The following BCAS3 variants were observed in gnomAD, a reference collection of about 807,000 sequenced individuals.
The protein encoded by BCAS3 is BCAS3 microtubule associated cell migration factor, also known as BCAS4/BCAS3 fusion.
In BCAS3, 53 loss-of-function variants were observed where a neutral mutation model predicts 116.1. That is an observed-to-expected ratio of 0.46 (90% CI 0.37 to 0.57). The LOEUF (loss-of-function observed/expected upper bound fraction) is 0.57. Among genes scored for constraint, BCAS3 ranks in the 20% least tolerant of loss-of-function variants. The pLI is 0.00. For synonymous variants in BCAS3, 391 were observed against 408.2 expected, an observed-to-expected ratio of 0.96 and a Z score of 0.51; for missense variants, 917 against 1,165.4, an observed-to-expected ratio of 0.79 and a Z score of 3.10.
intron 6 of BCAS3, among the ~76,000 whole-genome samples, chr17:60,805,545 C>T (rs963793425): frequency 6.6e-6 from 1 of 152,016 alleles, no homozygotes; most frequent in Non-Finnish European, 1.5e-5. Flanking sequence ...AAGGAAGTGG[C>T]GGCTGGGCGC....
At chr17:61,283,257 T>C (rs948526293) in intron 22 of BCAS3, among the ~76,000 whole-genome samples, 6 of 152,194 alleles carry the variant, frequency 3.9e-5, no homozygotes, top group African/African-American at 1.2e-4. Flanking sequence ...TTTGGAGGAC[T>C]ATAACACATT....
At chr17:61,318,237 GT>G (rs1164376178) in intron 22 of BCAS3, among the ~76,000 whole-genome samples, 1 of 152,192 alleles carries the variant, frequency 6.6e-6, no homozygotes, top group African/African-American at 2.4e-5. Flanking sequence ...GATATAAGCT[GT>G]GGCCCAAAGT....
chr17:61,203,303 G>T lies in BCAS3; in HGVS notation c.2425+118739G>T, dbSNP rs971070608. On this transcript the variant is annotated intron_variant, in intron 22 of 23. Coordinates refer to ENST00000407086, the MANE Select transcript of BCAS3 (RefSeq NM_017679.5). The surrounding 1 kb of genome is among the most constrained non-coding windows in gnomAD (Gnocchi z 5.7). ...CTCCCGAGTTGCTGGGATTACAGGT[G>T]CCCGACACCACACCTGGCTAATTTT... is the stretch of plus-strand genomic sequence containing the variant. 6.6e-6 allele frequency among the ~76,000 whole-genome samples: 1 copy of T among 152,016 alleles called. No homozygotes were observed. Among genetic ancestry groups the T allele is most frequent in the African/African-American group, 2.4e-5 (1 of 41,382 alleles).
chr17:61,156,119 T>G lies in BCAS3; in HGVS notation c.2425+71555T>G, dbSNP rs920990079. Among the ~76,000 whole-genome samples the G allele has an allele frequency of 1.3e-5, 2 of 150,726 alleles. No individual in the cohort carries two copies. Among genetic ancestry groups the G allele is most frequent in the African/African-American group, 2.4e-5 (1 of 40,882 alleles). On this transcript the variant is annotated intron_variant, in intron 22 of 23. Transcript: ENST00000407086. This position sits in a 1 kb window ranked among gnomAD's most constrained non-coding sequence, Gnocchi z 4.7. ...CTATCAGCAAATAATTTACTCGGTA[T>G]GCACCACAAACAAACGCAGAGAGAC...
intron 7 of BCAS3, among the ~76,000 whole-genome samples, chr17:60,823,608 T>G (rs1361393406): frequency 6.6e-6 from 1 of 152,056 alleles, no homozygotes; most frequent in East Asian, 1.9e-4. Flanking sequence ...GGGAGAAAAT[T>G]GAAAATGGAT....
At chr17:61,119,878 A>G (rs1479919440) in intron 22 of BCAS3, among the ~76,000 whole-genome samples, 1 of 152,032 alleles carries the variant, frequency 6.6e-6, no homozygotes, top group Non-Finnish European at 1.5e-5. Context: ...TCTTTAGAAT[A>G]TTTCACTCCT....
At chr17:60,835,414 A>C (rs879755301) in intron 7 of BCAS3, among the ~76,000 whole-genome samples, 1 of 151,960 alleles carries the variant, frequency 6.6e-6, no homozygotes, top group Admixed American at 6.6e-5. Flanking sequence ...CAAGGTTGAA[A>C]CTTCAGTCTT....
In BCAS3 at chr17:61,171,634, AT is replaced by A. The variant is rs879286486; in HGVS notation, c.2425+87080del. On this transcript the variant is annotated intron_variant, in intron 22 of 23. Transcript: ENST00000407086. The surrounding 1 kb of genome is among the most constrained non-coding windows in gnomAD (Gnocchi z 4.1). ...ATTATGCTAATACTAATTTTATTTT[AT>A]TTTTTTTTTGAAACAGCGTCTGTTG... Among the ~76,000 whole-genome samples, 10 of 149,592 alleles carry A rather than the reference AT, an allele frequency of 6.7e-5. No homozygotes were observed. Among genetic ancestry groups the A allele is most frequent in the African/African-American group, 4.9e-5 (2 of 40,790 alleles).
chr17:61,267,387 T>C (rs1019178378), intron 22 of BCAS3, among the ~76,000 whole-genome samples: 4 of 151,632 alleles, frequency 2.6e-5, no homozygotes, highest in Non-Finnish European at 4.4e-5. Context: ...GCCACAGTGG[T>C]TGGTAAATTA....
At chr17:61,119,579 A>G (rs1435100623) in intron 22 of BCAS3, among the ~76,000 whole-genome samples, 1 of 152,134 alleles carries the variant, frequency 6.6e-6, no homozygotes, top group Non-Finnish European at 1.5e-5. Context: ...CATCATATTT[A>G]ATATGAAATA....
chr17:60,691,002 G>C (rs1310846267), intron 4 of BCAS3, among the ~76,000 whole-genome samples: 3 of 152,034 alleles, frequency 2.0e-5, no homozygotes, highest in African/African-American at 7.2e-5. Context: ...GAATGATCTT[G>C]GCTTACTGCA....
intron 22 of BCAS3, among the ~76,000 whole-genome samples, chr17:61,264,565 G>A (rs569035237): frequency 2.2e-4 from 33 of 152,060 alleles, no homozygotes; most frequent in African/African-American, 7.5e-4. Context: ...GTGCCACCGC[G>A]TCCAGCTAAT....
intron 22 of BCAS3, among the ~76,000 whole-genome samples, chr17:61,283,711 C>A (rs989814516): frequency 1.4e-4 from 21 of 152,114 alleles, no homozygotes; most frequent in Non-Finnish European, 2.2e-4. Context: ...CCTCAGCCTC[C>A]CAAACTGCTG....
chr17:61,368,623 G>A lies in BCAS3; in HGVS notation c.2593+129G>A. The A allele has an allele frequency of 9.0e-7, 1 of 1,107,974 alleles. No homozygotes were observed. Among genetic ancestry groups the A allele is most frequent in the Non-Finnish European group, 1.3e-6 (1 of 796,408 alleles). 68.6% of individuals were successfully genotyped at this position (1,107,974 alleles called of 1,614,324 possible). Reference sequence around the variant, plus strand: ...TGGTTTCTTTAGTTAGCACTCCAGTGGCTATCCGTCTGAGGAGCTCTGGTG... The same window carrying A: ...TGGTTTCTTTAGTTAGCACTCCAGTAGCTATCCGTCTGAGGAGCTCTGGTG... On this transcript the variant is annotated intron_variant, in intron 23 of 23. Transcript: ENST00000407086. The surrounding 1 kb of genome is among the most constrained non-coding windows in gnomAD (Gnocchi z 6.0).
chr17:61,340,227 T>C (rs2057039412), intron 22 of BCAS3, among the ~76,000 whole-genome samples: 1 of 145,126 alleles, frequency 6.9e-6, no homozygotes, highest in African/African-American at 2.6e-5. Context: ...TTCTTTTTAA[T>C]GGAAGAAATA....
intron 6 of BCAS3, among the ~76,000 whole-genome samples, chr17:60,807,329 T>C (rs1448613592): frequency 6.6e-6 from 1 of 152,218 alleles, no homozygotes; most frequent in Non-Finnish European, 1.5e-5. Context: ...GAATGACCTA[T>C]AGTTTTATAA....
chr17:61,177,790 T>C (rs2079231441), intron 22 of BCAS3, among the ~76,000 whole-genome samples: 1 of 152,210 alleles, frequency 6.6e-6, no homozygotes, highest in Non-Finnish European at 1.5e-5. Flanking sequence ...TATTTTGAGA[T>C]TATGTATACC....
rs201610152 is a variant in BCAS3, at chr17:61,146,277, T to G, written c.2425+61713T>G. Among the ~76,000 whole-genome samples the G allele has an allele frequency of 3.4e-4, 52 of 151,804 alleles. No individual in the cohort carries two copies. In the East Asian group the frequency reaches 6.0e-3, roughly 18 times the overall value. On this transcript the variant is annotated intron_variant, in intron 22 of 23. Transcript: ENST00000407086. Reference sequence around the variant, plus strand: ...GTAAGCCACTACACCCAGCTGATTTTTTTTTTTTTTTGGTGTTTTTTGTAG... The same window carrying G: ...GTAAGCCACTACACCCAGCTGATTTGTTTTTTTTTTTGGTGTTTTTTGTAG...
Position 61,365,203 on chromosome 17 carries a change from T to G in BCAS3, c.2426-3124T>G, listed in dbSNP as rs561254705. On this transcript the variant is annotated intron_variant, in intron 22 of 23. Coordinates refer to ENST00000407086, the MANE Select transcript of BCAS3 (RefSeq NM_017679.5). This position sits in a 1 kb window ranked among gnomAD's most constrained non-coding sequence, Gnocchi z 4.6. ...CATCCACCACTATGACACTAGCTCATGATTCTTTTCTCGTGCGTACTGTTA... is the reference window on the plus strand; with the variant it reads ...CATCCACCACTATGACACTAGCTCAGGATTCTTTTCTCGTGCGTACTGTTA... 1.7e-4 allele frequency among the ~76,000 whole-genome samples: 26 copies of G among 152,230 alleles called. No individual in the cohort carries two copies. The highest frequency in any genetic ancestry group is 2.9e-4 in the Non-Finnish European group (20 of 68,038).
Sources: gnomAD v4.1 joint callset for allele counts (sites outside exome capture counted in the v4.1 genomes callset) on GRCh38, gnomAD v4.1.1 for gene constraint, Gnocchi (gnomAD v3.1) non-coding constraint, MANE v1.5 for transcripts, NCBI Gene and HGNC (gene_info 2026-07-23, HGNC 2026-07-21) for gene names.